The following APP variants were observed in gnomAD, a reference collection of about 807,000 sequenced individuals.
APP encodes amyloid beta precursor protein, also known as amyloid-beta precursor protein.
Under a neutral mutation model 101.4 loss-of-function variants are expected in APP, and 31 were observed. The ratio of observed to expected loss-of-function variants is 0.31; its 90% CI spans 0.23 to 0.41. APP has a LOEUF of 0.41. Among genes scored for constraint, APP ranks in the 10% least tolerant of loss-of-function variants. The pLI, the probability that APP is intolerant of heterozygous loss-of-function variation, is 1.00. For missense variants in APP, 839 were observed against 1,003.7 expected (o/e 0.84, Z 2.22); for synonymous variants, 366 against 364.4 (o/e 1.00, Z -0.05).
Position 26,011,337 on chromosome 21 carries a change from A to G in APP, c.865+10503T>C, listed in dbSNP as rs540744467. ...GTAATCCGCCCACCTCAGCCTCCCA[A>G]AGTGCTGGGGTTACAAGTGTGAGCC... is the stretch of plus-strand genomic sequence containing the variant. On this transcript the variant is annotated intron_variant, in intron 6 of 17. Coordinates refer to ENST00000346798, the MANE Select transcript of APP (RefSeq NM_000484.4). Among the ~76,000 whole-genome samples the G allele has an allele frequency of 5.3e-5, 8 of 152,098 alleles. No individual in the cohort carries two copies. The East Asian group carries it at 1.6e-3, about 30-fold the overall frequency.
At chr21:25,952,743 A>AAAACAAACAAACAAACAAAC (rs35999452) in intron 13 of APP, among the ~76,000 whole-genome samples, 2 of 151,558 alleles carry the variant, frequency 1.3e-5, no homozygotes, top group African/African-American at 4.9e-5. Context: ...ATAGCTGTAA[A>AAAACAAACAAACAAACAAAC]AAACAAACAA....
intron 13 of APP, chr21:25,934,385 T>A (rs2040274254): frequency 6.6e-6 from 1 of 152,202 alleles, no homozygotes; most frequent in African/African-American, 2.4e-5. Flanking sequence ...ATATTAGCTA[T>A]TTGCTGATAA....
chr21:26,149,322 G>C (rs1171723967), intron 1 of APP, among the ~76,000 whole-genome samples: 2 of 152,196 alleles, frequency 1.3e-5, no homozygotes, highest in South Asian at 4.1e-4. Flanking sequence ...GGGGATAACA[G>C]TAGGTACCTC....
chr21:26,010,820 C>A (rs1330347382), intron 6 of APP, among the ~76,000 whole-genome samples: 138 of 54,818 alleles, frequency 2.5e-3, no homozygotes, highest in East Asian at 4.6e-3. Context: ...GACTTCGTCT[C>A]AAAAAAAAAA....
At chr21:25,948,949 A>C (rs1600995847) in intron 13 of APP, among the ~76,000 whole-genome samples, 2 of 152,314 alleles carry the variant, frequency 1.3e-5, no homozygotes, top group Middle Eastern at 6.8e-3. Flanking sequence ...GTTTCACTGA[A>C]ATAATGATTC....
chr21:26,099,169 A>G (rs1339813580), intron 2 of APP, among the ~76,000 whole-genome samples: 4 of 145,250 alleles, frequency 2.8e-5, no homozygotes, highest in South Asian at 2.2e-4. Flanking sequence ...GTGAAAAAGG[A>G]AAAAAAAAAA....
chr21:25,955,685 T>C lies in APP; in HGVS notation c.1529A>G (p.Lys510Arg), dbSNP rs2041286158. The C allele has an allele frequency of 1.2e-6, 2 of 1,614,064 alleles. No homozygotes were observed. Among genetic ancestry groups the C allele is most frequent in the African/African-American group, 2.7e-5 (2 of 74,928 alleles). ...AEQKDRQHTL[K>R]HFEHVRMVDP... ...CACCATGCGCACATGCTCGAAATGC[T>C]TTAGGGTGTGCTGTCTGTCCTTCTG... Residue 510 changes from lysine (K) to arginine (R), a missense_variant, in exon 12 of 18, where the codon AAG becomes AGG. Lys to Arg is a conservative substitution (Grantham distance 26, BLOSUM62 2). Transcript: ENST00000346798.
intron 6 of APP, among the ~76,000 whole-genome samples, chr21:26,010,217 A>C (rs868191151): frequency 0.013 from 2,005 of 151,850 alleles, 47 homozygotes; most frequent in African/African-American, 0.046. Context: ...TTTGAACAAA[A>C]AAAAAAAAAA....
intron 14 of APP, among the ~76,000 whole-genome samples, chr21:25,906,236 G>A (rs1418890343): frequency 2.0e-5 from 3 of 152,194 alleles, no homozygotes; most frequent in Admixed American, 6.5e-5. Context: ...AAATATTTCC[G>A]GGAGCACTAG....
At chr21:26,139,026 T>C (rs1368620663) in intron 1 of APP, among the ~76,000 whole-genome samples, 1 of 152,162 alleles carries the variant, frequency 6.6e-6, no homozygotes, top group East Asian at 1.9e-4. Flanking sequence ...ATATATCAAG[T>C]TACTCCCATA....
At chr21:26,159,225 G>A (rs1331238651) in intron 1 of APP, among the ~76,000 whole-genome samples, 2 of 152,068 alleles carry the variant, frequency 1.3e-5, no homozygotes, top group African/African-American at 2.4e-5. Flanking sequence ...GACTACAGGT[G>A]CCTGTCACCA....
At chr21:26,095,364 G>A (rs2061919076) in intron 2 of APP, among the ~76,000 whole-genome samples, 1 of 152,156 alleles carries the variant, frequency 6.6e-6, no homozygotes. Flanking sequence ...TCATCCCTTT[G>A]TCCAGCGTCT....
intron 13 of APP, among the ~76,000 whole-genome samples, chr21:25,928,319 G>C (rs113852211): frequency 0.043 from 6,510 of 150,626 alleles, 445 homozygotes; most frequent in African/African-American, 0.15. Flanking sequence ...TCCAGCCTGG[G>C]CGACAGAGCG....
At chr21:26,024,409 G>A (rs569516655) in intron 5 of APP, among the ~76,000 whole-genome samples, 4 of 152,276 alleles carry the variant, frequency 2.6e-5, no homozygotes, top group South Asian at 2.1e-4. Context: ...AAAGTGATAG[G>A]AACCCGGGAT....
intron 8 of APP, among the ~76,000 whole-genome samples, chr21:25,984,378 G>A (rs2042559502): frequency 6.6e-6 from 1 of 152,034 alleles, no homozygotes; most frequent in Admixed American, 6.5e-5. Flanking sequence ...TACAGGAAAA[G>A]CAGTATGTAT....
At chr21:26,027,485 G>A (rs939516501) in intron 5 of APP, among the ~76,000 whole-genome samples, 5 of 152,188 alleles carry the variant, frequency 3.3e-5, no homozygotes, top group South Asian at 2.1e-4. Context: ...AAATGTTTCC[G>A]GGGAGGGAGG....
At chr21:26,035,124 A>ATT (rs2045043657) in intron 5 of APP, among the ~76,000 whole-genome samples, 1 of 151,342 alleles carries the variant, frequency 6.6e-6, no homozygotes, top group African/African-American at 2.5e-5. Context: ...TGTCTCCACT[A>ATT]AAAATTAAAA....
intron 16 of APP, among the ~76,000 whole-genome samples, chr21:25,896,416 ACT>A (rs932331344): frequency 2.8e-5 from 4 of 141,438 alleles, no homozygotes; most frequent in East Asian, 2.0e-4. Flanking sequence ...AAAAAGTAAC[ACT>A]CACACACACA....
intron 13 of APP, among the ~76,000 whole-genome samples, chr21:25,923,389 T>C (rs1294793511): frequency 6.8e-6 from 1 of 147,568 alleles, no homozygotes; most frequent in Non-Finnish European, 1.5e-5. Context: ...TGGGATCTAA[T>C]TAAACTAAAG....
Sources: gnomAD v4.1 joint callset for allele counts (sites outside exome capture counted in the v4.1 genomes callset) on GRCh38, gnomAD v4.1.1 for gene constraint, MANE v1.5 for transcripts, NCBI Gene and HGNC (gene_info 2026-07-23, HGNC 2026-07-21) for gene names.